IQSEC1: variants seen among roughly 807,000 people sequenced by gnomAD.
IQSEC1 encodes the protein IQ motif and SEC7 domain-containing protein 1.
IQSEC1 carries 31 observed loss-of-function variants against 91.0 expected under a neutral mutation model. That is an observed-to-expected ratio of 0.34 (90% confidence interval 0.26 to 0.46). The LOEUF (loss-of-function observed/expected upper bound fraction) is 0.46. Ranked by LOEUF, IQSEC1 falls within the 20% of genes least tolerant of loss-of-function variation. The pLI is 1.00. For synonymous variants in IQSEC1, 699 were observed against 662.6 expected, an observed-to-expected ratio of 1.05 and a Z score of -0.84; for missense variants, 1,388 against 1,575.6, an observed-to-expected ratio of 0.88 and a Z score of 2.02.
intron 1 of IQSEC1, among the ~76,000 whole-genome samples, chr3:13,213,711 T>A (rs559388343): frequency 4.6e-5 from 7 of 152,280 alleles, no homozygotes; most frequent in Non-Finnish European, 7.4e-5. Context: ...TACCACCACA[T>A]GACCGGGCCA....
At chr3:12,972,517 G>A (rs1358450216) in intron 1 of IQSEC1, among the ~76,000 whole-genome samples, 2 of 152,210 alleles carry the variant, frequency 1.3e-5, no homozygotes, top group Non-Finnish European at 2.9e-5. Flanking sequence ...AAGACTGGTG[G>A]TGTAGCACAT....
intron 1 of IQSEC1, among the ~76,000 whole-genome samples, chr3:12,952,412 C>CTCCGCCTT (rs1699609820): frequency 6.6e-6 from 1 of 152,212 alleles, no homozygotes; most frequent in South Asian, 2.1e-4. Flanking sequence ...CATCGGGCTG[C>CTCCGCCTT]TCCGCCTTCA....
intron 2 of IQSEC1, among the ~76,000 whole-genome samples, chr3:13,141,704 C>T (rs1706801726): frequency 6.6e-6 from 1 of 152,148 alleles, no homozygotes; most frequent in Admixed American, 6.5e-5. Flanking sequence ...CTCCCCTCCT[C>T]GACCTACATA....
rs913544923 is a variant in IQSEC1 at position 12,909,650 on chromosome 3, G to A, written c.2417-216C>T. 6.6e-6 allele frequency among the ~76,000 whole-genome samples: 1 copy of A among 152,230 alleles called. No homozygotes were observed. Among genetic ancestry groups the A allele is most frequent in the Non-Finnish European group, 1.5e-5 (1 of 68,042 alleles). ...TCTGTGTCGCTCCACATGTGACTCA[G>A]GGACAAAAGTGGTCGAGCTCAGGGG... On this transcript the variant is annotated intron_variant, in intron 10 of 13. Transcript: ENST00000613206. The surrounding 1 kb of genome is among the most constrained non-coding windows in gnomAD (Gnocchi z 4.9).
chr3:13,236,230 G>A (rs559599401), intron 1 of IQSEC1, among the ~76,000 whole-genome samples: 1 of 152,214 alleles, frequency 6.6e-6, no homozygotes, highest in East Asian at 1.9e-4. Flanking sequence ...ACTCAGGTGG[G>A]CGTGTGCCCT....
intron 1 of IQSEC1, among the ~76,000 whole-genome samples, chr3:13,208,349 G>A (rs932647438): frequency 2.0e-5 from 3 of 152,106 alleles, no homozygotes; most frequent in Admixed American, 6.5e-5. Flanking sequence ...GGCCACCAGC[G>A]TCTTCTCCAG....
intron 3 of IQSEC1, among the ~76,000 whole-genome samples, chr3:12,932,655 C>CCGG (rs1230072567): frequency 6.6e-6 from 1 of 152,212 alleles, no homozygotes; most frequent in African/African-American, 2.4e-5. Flanking sequence ...CTGACCACAA[C>CCGG]AGCTGCCATC....
intron 2 of IQSEC1, among the ~76,000 whole-genome samples, chr3:13,138,252 C>A (rs1009209141): frequency 6.6e-6 from 1 of 152,122 alleles, no homozygotes; most frequent in African/African-American, 2.4e-5. Flanking sequence ...TCCCAGCGAT[C>A]GACGAGACAA....
chr3:13,126,186 C>T (rs1338700535), intron 2 of IQSEC1, among the ~76,000 whole-genome samples: 1 of 37,538 alleles, frequency 2.7e-5, no homozygotes, highest in Admixed American at 3.8e-4. Flanking sequence ...TGCCCTCAAA[C>T]ATTCTCTCAT....
rs376278033 is a variant in IQSEC1 at position 12,922,652 on chromosome 3, A to C, written c.1731-410T>G. ...TTTGCTGCCATTTTCACAGTGAGGA[A>C]AGGGGCGCCCAGGGTGTTGACTTTC... On this transcript the variant is annotated intron_variant, in intron 4 of 13. Transcript: ENST00000613206. This position sits in a 1 kb window ranked among gnomAD's most constrained non-coding sequence, Gnocchi z 5.1. 3.3e-5 allele frequency among the ~76,000 whole-genome samples: 5 copies of C among 152,078 alleles called. No homozygotes were observed. Among genetic ancestry groups the C allele is most frequent in the Admixed American group, 2.0e-4 (3 of 15,274 alleles).
rs62242708 is a variant in IQSEC1 at position 12,978,495 on chromosome 3, G to A, written c.24-36630C>T. ...GGGCGGATCACATGGTCAGGAGTTC[G>A]AGACCAGCCTGGCCAATACGGTGAA... On this transcript the variant is annotated intron_variant, in intron 1 of 13. Transcript: ENST00000613206. 9.7e-3 allele frequency among the ~76,000 whole-genome samples: 1,475 copies of A among 152,106 alleles called. 7 individuals are homozygous for A. The highest frequency in any genetic ancestry group is 0.012 in the Non-Finnish European group (848 of 67,984).
At chr3:13,036,183 C>G (rs1185216468) in intron 1 of IQSEC1, among the ~76,000 whole-genome samples, 16 of 152,152 alleles carry the variant, frequency 1.1e-4, no homozygotes, top group Admixed American at 8.5e-4. Flanking sequence ...GCGACAGTTA[C>G]ATGCAGTCAG....
rs150662522 is a variant in IQSEC1, at chr3:12,944,310, T to C, written c.24-2445A>G. ...TCTGAAAATCCTCCCATTCTATTGC[T>C]AAAGCTTTGAGCAGGGACTCGCAAT... On this transcript the variant is annotated intron_variant, in intron 1 of 13. Transcript: ENST00000613206. Among the ~76,000 whole-genome samples, 1,129 of 152,332 alleles carry C rather than the reference T, an allele frequency of 7.4e-3. 13 individuals are homozygous for C. Among genetic ancestry groups the C allele is most frequent in the African/African-American group, 0.024 (1,012 of 41,560 alleles).
chr3:13,146,405 T>C (rs1706899008), intron 2 of IQSEC1, among the ~76,000 whole-genome samples: 2 of 152,312 alleles, frequency 1.3e-5, no homozygotes, highest in African/African-American at 4.8e-5. Context: ...TCTGTCCTGA[T>C]TTAGAAGCCA....
At chr3:13,042,016 G>A (rs530826592) in intron 1 of IQSEC1, among the ~76,000 whole-genome samples, 234 of 152,362 alleles carry the variant, frequency 1.5e-3, no homozygotes, top group African/African-American at 5.5e-3. Flanking sequence ...CCGGCAGCAA[G>A]GAACAATGAA....
At chr3:13,179,764 C>A (rs747626115) in intron 1 of IQSEC1, among the ~76,000 whole-genome samples, 1 of 152,226 alleles carries the variant, frequency 6.6e-6, no homozygotes, top group South Asian at 2.1e-4. Context: ...GGGAGAGGTG[C>A]GGGCGGGAAC....
intron 7 of IQSEC1, 76 bp downstream of exon 7, chr3:12,915,518 G>C: frequency 6.7e-7 from 1 of 1,502,194 alleles, no homozygotes; most frequent in East Asian, 2.3e-5. Flanking sequence ...TGGGGTGGGT[G>C]GGAGTGAGAA....
intron 1 of IQSEC1, among the ~76,000 whole-genome samples, chr3:13,020,941 A>AGAAGGAAGGCAAAAAGGAAG (rs1225592573): frequency 1.3e-5 from 2 of 152,156 alleles, no homozygotes; most frequent in African/African-American, 4.8e-5. Context: ...AAGGAGAAAT[A>AGAAGGAAGGCAAAAAGGAAG]GAAGGAAGGC....
At chr3:13,126,317 A>C (rs964020986) in intron 2 of IQSEC1, among the ~76,000 whole-genome samples, 2 of 152,214 alleles carry the variant, frequency 1.3e-5, no homozygotes, top group African/African-American at 4.8e-5. Context: ...GGTTATGATT[A>C]CTTTTGATCC....
Sources: gnomAD v4.1 joint callset for allele counts (sites outside exome capture counted in the v4.1 genomes callset) on GRCh38, gnomAD v4.1.1 for gene constraint, Gnocchi (gnomAD v3.1) non-coding constraint, MANE v1.5 for transcripts, NCBI Gene and HGNC (gene_info 2026-07-23, HGNC 2026-07-21) for gene names.